The following PLA2G5 variants were observed in gnomAD, a reference collection of about 807,000 sequenced individuals.
PLA2G5 encodes phospholipase A2 group V, also known as Ca2+-dependent phospholipase A2.
A neutral mutation model predicts 15.9 loss-of-function variants in PLA2G5; 12 were observed. The ratio of observed to expected loss-of-function variants is 0.76; its 90% CI spans 0.48 to 1.23. The LOEUF (loss-of-function observed/expected upper bound fraction) is 1.23, where lower values mean the gene tolerates loss of function less well. Ranked by LOEUF, PLA2G5 falls within the 50% of genes most tolerant of loss-of-function variation. PLA2G5 has a pLI of 0.00. For missense variants in PLA2G5, 169 were observed against 177.1 expected (o/e 0.95, Z 0.26); for synonymous variants, 71 against 71.4 (o/e 0.99, Z 0.03).
chr1:20,088,781 TG>T (rs2016420166), intron 3 of PLA2G5: 1 of 153,486 alleles, frequency 6.5e-6, no homozygotes, highest in Non-Finnish European at 1.5e-5. Flanking sequence ...ATATAACCTA[TG>T]TGATTGTATC....
At chr1:20,036,950 C>T (rs1286764173) in intron 1 of PLA2G5, among the ~76,000 whole-genome samples, 1 of 152,210 alleles carries the variant, frequency 6.6e-6, no homozygotes, top group East Asian at 1.9e-4. Flanking sequence ...CAGGCACGAG[C>T]CACCACACCT....
At chr1:20,074,532 AT>A (rs2015566373) in intron 1 of PLA2G5, among the ~76,000 whole-genome samples, 1 of 152,218 alleles carries the variant, frequency 6.6e-6, no homozygotes, top group South Asian at 2.1e-4. Context: ...TCTTGTCTGC[AT>A]TTTAAGTGTT....
Position 20,050,836 on chromosome 1 carries a change from TTCTG to T in PLA2G5, n.277-8792_277-8789del, listed in dbSNP as rs895918479. 2.6e-5 allele frequency among the ~76,000 whole-genome samples: 4 copies of T among 151,820 alleles called. No homozygotes were observed. The South Asian group carries it at 6.2e-4, about 24-fold the overall frequency. On this transcript the variant is annotated intron_variant and non_coding_transcript_variant, in intron 1 of 6. Coordinates refer to the PLA2G5 transcript ENST00000460175. ...AAACTTTCCAAAATCAAATTATAAATTCTGTCTTTTTCTGACCTAATTAATTCTT... is the reference window on the plus strand; with the variant it reads ...AAACTTTCCAAAATCAAATTATAAATTCTTTTTCTGACCTAATTAATTCTT...
intron 2 of PLA2G5, among the ~76,000 whole-genome samples, chr1:20,064,592 A>T (rs2014921444): frequency 6.6e-6 from 1 of 151,802 alleles, no homozygotes; most frequent in African/African-American, 2.4e-5. Flanking sequence ...GAAAAAAAAA[A>T]AAAAGGAAAC....
intron 1 of PLA2G5, among the ~76,000 whole-genome samples, chr1:20,071,590 T>A (rs1362164936): frequency 6.6e-6 from 1 of 152,146 alleles, no homozygotes; most frequent in Admixed American, 6.5e-5. Flanking sequence ...AGGGGGTTGA[T>A]CCAGTTCCGG....
intron 1 of PLA2G5, among the ~76,000 whole-genome samples, chr1:20,076,125 G>T (rs1353054751): frequency 6.6e-6 from 1 of 152,052 alleles, no homozygotes; most frequent in Non-Finnish European, 1.5e-5. Context: ...CCTGCCTCGG[G>T]CTCCCAAAGT....
chr1:20,075,868 CT>C (rs534879331), intron 1 of PLA2G5, among the ~76,000 whole-genome samples: 3,440 of 121,694 alleles, frequency 0.028, 37 homozygotes, highest in African/African-American at 0.054. Context: ...ATTTCTTTCT[CT>C]TTTTTTTTTT....
At chr1:20,042,297 G>A (rs1181513367) in intron 1 of PLA2G5, among the ~76,000 whole-genome samples, 2 of 152,072 alleles carry the variant, frequency 1.3e-5, no homozygotes, top group African/African-American at 4.8e-5. Context: ...AACCAAGTGT[G>A]ATCAGGGTGA....
At chr1:20,070,773 G>A (rs1204878576) in intron 1 of PLA2G5, 1 of 152,266 alleles carries the variant, frequency 6.6e-6, no homozygotes, top group Non-Finnish European at 1.5e-5. Context: ...GTTAGGACTT[G>A]TGTTTACGTT....
At chr1:20,044,970 G>A (rs994312680) in intron 1 of PLA2G5, among the ~76,000 whole-genome samples, 2 of 152,124 alleles carry the variant, frequency 1.3e-5, no homozygotes, top group African/African-American at 4.8e-5. Flanking sequence ...TGGGACTGAT[G>A]TGTAAAAGAA....
intron 1 of PLA2G5, among the ~76,000 whole-genome samples, chr1:20,056,363 T>C (rs1198061906): frequency 6.6e-6 from 1 of 151,958 alleles, no homozygotes; most frequent in Non-Finnish European, 1.5e-5. Flanking sequence ...CTAGGCTCAG[T>C]CTTTGGAACT....
chr1:20,034,870 TTTCTGGTG>T lies in PLA2G5; in HGVS notation n.276+6162_276+6169del, dbSNP rs550492483. Reference sequence around the variant, plus strand: ...AAGACCTCTCACCCAGCGCTGGGATTTTCTGGTGAATTGGAAGAAATAGGGATCTGGAA... The same window carrying T: ...AAGACCTCTCACCCAGCGCTGGGATTAATTGGAAGAAATAGGGATCTGGAA... On this transcript the variant is annotated intron_variant and non_coding_transcript_variant, in intron 1 of 6. Coordinates refer to the PLA2G5 transcript ENST00000460175. Among the ~76,000 whole-genome samples the T allele has an allele frequency of 7.4e-4, 112 of 152,026 alleles. 1 individual carries two copies. Among genetic ancestry groups the T allele is most frequent in the Non-Finnish European group, 1.4e-3 (95 of 68,000 alleles).
intron 1 of PLA2G5, among the ~76,000 whole-genome samples, chr1:20,076,093 G>A (rs567058677): frequency 2.2e-4 from 34 of 152,138 alleles, no homozygotes; most frequent in Admixed American, 3.9e-4. Flanking sequence ...GGCTGGTCTC[G>A]AACTCCTGAC....
chr1:20,055,801 A>G (rs932213184), intron 1 of PLA2G5, among the ~76,000 whole-genome samples: 1 of 152,108 alleles, frequency 6.6e-6, no homozygotes, highest in Non-Finnish European at 1.5e-5. Context: ...TTTAATCTTC[A>G]TAATGTTTCT....
At chr1:20,038,543 A>G (rs1384115837) in intron 1 of PLA2G5, among the ~76,000 whole-genome samples, 1 of 152,166 alleles carries the variant, frequency 6.6e-6, no homozygotes, top group East Asian at 1.9e-4. Flanking sequence ...TAATCCCAGC[A>G]CTTTGAGAGG....
intron 1 of PLA2G5, among the ~76,000 whole-genome samples, chr1:20,075,868 CTTTTTTT>C (rs534879331): frequency 1.1e-4 from 13 of 121,752 alleles, no homozygotes; most frequent in African/African-American, 3.8e-4. Context: ...ATTTCTTTCT[CTTTTTTT>C]TTTTTTTTTT....
At chr1:20,031,037 T>G (rs201041395) in intron 1 of PLA2G5, among the ~76,000 whole-genome samples, 1 of 152,204 alleles carries the variant, frequency 6.6e-6, no homozygotes, top group Non-Finnish European at 1.5e-5. Flanking sequence ...GGGTATCCCC[T>G]GTGAAGGCTT....
chr1:20,050,008 T>A (rs997720804), intron 1 of PLA2G5, among the ~76,000 whole-genome samples: 1 of 152,210 alleles, frequency 6.6e-6, no homozygotes, highest in African/African-American at 2.4e-5. Flanking sequence ...CATAATATCC[T>A]GTGAAGTGCA....
At chr1:20,037,102 T>C (rs1557723047) in intron 1 of PLA2G5, among the ~76,000 whole-genome samples, 1 of 152,250 alleles carries the variant, frequency 6.6e-6, no homozygotes, top group African/African-American at 2.4e-5. Flanking sequence ...TGAGCTAGTG[T>C]GATCTTATGG....
Sources: gnomAD v4.1 joint callset for allele counts (sites outside exome capture counted in the v4.1 genomes callset) on GRCh38, gnomAD v4.1.1 for gene constraint, MANE v1.5 for transcripts, NCBI Gene and HGNC (gene_info 2026-07-23, HGNC 2026-07-21) for gene names.